The following ZNF492 variants were observed in gnomAD, a reference collection of about 807,000 sequenced individuals.
ZNF492 encodes zinc finger protein 492.
ZNF492 carries 3 observed loss-of-function variants against 6.4 expected under a neutral mutation model. The ratio of observed to expected loss-of-function variants is 0.47; its 90% CI spans 0.21 to 1.22. The LOEUF is 1.22. Among genes scored for constraint, ZNF492 ranks in the 50% most tolerant of loss-of-function variants. The pLI, the probability that ZNF492 is intolerant of heterozygous loss-of-function variation, is 0.22. For missense variants in ZNF492, 356 were observed against 612.5 expected, an observed-to-expected ratio of 0.58 and a Z score of 4.42; for synonymous variants, 112 against 205.3, an observed-to-expected ratio of 0.55 and a Z score of 3.89.
At position 22,665,151 on chromosome 19, in the gene ZNF492, A is replaced by G. The variant is rs1450713323; in HGVS notation, c.1482A>G (p.Arg494=). The G allele has an allele frequency of 6.2e-7, 1 of 1,611,276 alleles. No individual in the cohort carries two copies. The highest frequency in any genetic ancestry group is 8.5e-7 in the Non-Finnish European group (1 of 1,179,604). ...KAFNNSSILN[R]HKMIHTGEKL... ...TTAACAACTCCTCTATTCTTAACAG[A>G]CATAAGATGATTCATACTGGAGAGA... is the stretch of plus-strand genomic sequence containing the variant. Residue 494 remains arginine (R), a synonymous_variant, in exon 4 of 4, where the codon AGA becomes AGG. Coordinates refer to ENST00000456783, the MANE Select transcript of ZNF492 (RefSeq NM_020855.3).
chr19:22,641,000 TTTTC>T (rs145449944), intron 1 of ZNF492, among the ~76,000 whole-genome samples: 12,299 of 152,120 alleles, frequency 0.081, 1,605 homozygotes, highest in African/African-American at 0.28. Context: ...ATCTTTTCCT[TTTTC>T]TTCATTAATC....
intron 3 of ZNF492, among the ~76,000 whole-genome samples, chr19:22,663,514 G>C (rs548003793): frequency 6.6e-6 from 1 of 152,256 alleles, no homozygotes; most frequent in South Asian, 2.1e-4. Context: ...ATGTTATATA[G>C]GGAAGCAGGA....
intron 1 of ZNF492, among the ~76,000 whole-genome samples, chr19:22,649,172 C>A (rs745997746): frequency 7.2e-5 from 11 of 152,136 alleles, no homozygotes; most frequent in Non-Finnish European, 1.5e-4. Context: ...GATTTTATTT[C>A]TTTTTCTACT....
intron 3 of ZNF492, among the ~76,000 whole-genome samples, chr19:22,662,382 C>T (rs868152904): frequency 2.6e-5 from 4 of 152,092 alleles, no homozygotes; most frequent in Non-Finnish European, 2.9e-5. Flanking sequence ...TGAATAGTGC[C>T]GCAATAAATA....
intron 1 of ZNF492, among the ~76,000 whole-genome samples, chr19:22,651,103 G>T (rs531724392): frequency 1.3e-5 from 2 of 152,202 alleles, no homozygotes; most frequent in East Asian, 1.9e-4. Context: ...GCATGGTTTT[G>T]TCGGCTAAGT....
At chr19:22,638,645 G>A (rs1971791961) in intron 1 of ZNF492, among the ~76,000 whole-genome samples, 1 of 152,076 alleles carries the variant, frequency 6.6e-6, no homozygotes, top group African/African-American at 2.4e-5. Flanking sequence ...TTCAGGTAAT[G>A]TAATGACTTC....
Position 22,666,308 on chromosome 19 carries a change from A to T in ZNF492, c.*1043A>T, listed in dbSNP as rs1475725402. 1 of 151,294 alleles carries T rather than the reference A, an allele frequency of 6.6e-6. No individual in the cohort carries two copies. Among genetic ancestry groups the T allele is most frequent in the African/African-American group, 2.4e-5 (1 of 41,116 alleles). The allele number at this position is 151,294 out of a possible 1,614,324, so 9.4% of individuals were successfully genotyped here. The stretch of plus-strand genomic sequence containing the variant: ...AGGGTTCAAGTGATTCTCCTGCCTC[A>T]GCCTCCCAAGTGGCTGGGATTACAG... On this transcript the variant is annotated 3_prime_UTR_variant, in exon 4 of 4. Transcript: ENST00000456783.
In ZNF492 at chr19:22,665,267, A is replaced by G. The variant is rs763229857; in HGVS notation, c.*2A>G. 12 of 1,547,312 alleles carry G rather than the reference A, an allele frequency of 7.8e-6. No individual in the cohort carries two copies. In the Admixed American group the frequency reaches 2.5e-4, roughly 32 times the overall value. On this transcript the variant is annotated 3_prime_UTR_variant, in exon 4 of 4. Coordinates refer to ENST00000456783, the MANE Select transcript of ZNF492 (RefSeq NM_020855.3). The stretch of plus-strand genomic sequence containing the variant: ...AGAAATTGTGCTGGTGAGAAATAAT[A>G]GAAATATGAATGTGACAAAGCCTTT...
At chr19:22,639,959 T>C (rs1414754980) in intron 1 of ZNF492, among the ~76,000 whole-genome samples, 1 of 151,916 alleles carries the variant, frequency 6.6e-6, no homozygotes, top group Non-Finnish European at 1.5e-5. Context: ...TTCCAGGTTA[T>C]GTATATTCAG....
At chr19:22,656,374 A>T (rs1971996959) in intron 3 of ZNF492, among the ~76,000 whole-genome samples, 1 of 151,410 alleles carries the variant, frequency 6.6e-6, no homozygotes, top group East Asian at 1.9e-4. Flanking sequence ...GCTAGGGCAG[A>T]TTTCTGCACT....
chr19:22,656,845 G>A (rs142422244), intron 3 of ZNF492, among the ~76,000 whole-genome samples: 1 of 152,072 alleles, frequency 6.6e-6, no homozygotes, highest in African/African-American at 2.4e-5. Context: ...AGATCTCAAA[G>A]CTCTTTAAGG....
Position 22,667,310 on chromosome 19 carries a change from T to C in ZNF492, c.*2045T>C, listed in dbSNP as rs988076487. On this transcript the variant is annotated 3_prime_UTR_variant, in exon 4 of 4. Coordinates refer to ENST00000456783, the MANE Select transcript of ZNF492 (RefSeq NM_020855.3). ...AATGCACTAACATCTGTAGTACTAA[T>C]CTTTTTTCCAGTGGCTTTAAACTGC... The C allele has an allele frequency of 2.0e-5, 3 of 152,222 alleles. No individual in the cohort carries two copies. Among genetic ancestry groups the C allele is most frequent in the African/African-American group, 7.2e-5 (3 of 41,460 alleles). 9.4% of individuals were successfully genotyped at this position (152,222 alleles called of 1,614,324 possible).
intron 3 of ZNF492, among the ~76,000 whole-genome samples, chr19:22,658,233 A>G (rs1338840983): frequency 1.3e-5 from 2 of 151,958 alleles, no homozygotes; most frequent in South Asian, 4.1e-4. Context: ...ACATCCTGGA[A>G]GACATATGGA....
In ZNF492 at chr19:22,653,373, G is replaced by A. The variant is rs752117369; in HGVS notation, c.-27G>A. ...GGAGGAGTGGCAATGCCTGGACACC[G>A]CACAGCAGAATTTATATAGGAATGT... On this transcript the variant is annotated 5_prime_UTR_variant, in exon 2 of 4. Transcript: ENST00000456783. The A allele has an allele frequency of 2.2e-5, 35 of 1,613,696 alleles. No homozygotes were observed. Among genetic ancestry groups the A allele is most frequent in the East Asian group, 8.9e-5 (4 of 44,890 alleles).
At chr19:22,663,662 T>A (rs1363794090) in intron 3 of ZNF492, 138 bp from the exon 4 acceptor site, 5 of 797,640 alleles carry the variant, frequency 6.3e-6, no homozygotes, top group Non-Finnish European at 9.1e-6. Flanking sequence ...CTTTTATATG[T>A]CTGTGAAAAT....
chr19:22,649,794 C>G (rs956034967), intron 1 of ZNF492, among the ~76,000 whole-genome samples: 2 of 152,150 alleles, frequency 1.3e-5, no homozygotes, highest in African/African-American at 4.8e-5. Context: ...TCCGTCAGGT[C>G]ATTTATGTTC....
At chr19:22,644,098 G>A (rs1268147294) in intron 1 of ZNF492, among the ~76,000 whole-genome samples, 2 of 152,128 alleles carry the variant, frequency 1.3e-5, no homozygotes, top group African/African-American at 4.8e-5. Flanking sequence ...TGTGGGTGTG[G>A]TGGTAGCAGG....
rs1358335107 is a variant in ZNF492 at position 22,656,069 on chromosome 19, C to T, written c.130+2054C>T. On this transcript the variant is annotated intron_variant, in intron 3 of 3. Transcript: ENST00000456783. ...TGAACTCCTGACCTGGTGATCCACC[C>T]GCCTTGGCCTCCCAAAGTTCTGGGA... Among the ~76,000 whole-genome samples, 10 of 143,920 alleles carry T rather than the reference C, an allele frequency of 6.9e-5. No individual in the cohort carries two copies. In the Middle Eastern group the frequency reaches 0.011, roughly 153 times the overall value. 94.4% of individuals were successfully genotyped at this position (143,920 alleles called of 152,430 possible). A position where few individuals can be genotyped will look rare whatever the true frequency, so the allele number is the denominator to read the frequency against.
intron 3 of ZNF492, among the ~76,000 whole-genome samples, chr19:22,655,839 T>C (rs912682602): frequency 6.9e-6 from 1 of 143,988 alleles, no homozygotes; most frequent in Non-Finnish European, 1.5e-5. Flanking sequence ...TTTTTTTTTT[T>C]TTTGAGACAG....
Sources: gnomAD v4.1 joint callset for allele counts (sites outside exome capture counted in the v4.1 genomes callset) on GRCh38, gnomAD v4.1.1 for gene constraint, MANE v1.5 for transcripts, NCBI Gene and HGNC (gene_info 2026-07-23, HGNC 2026-07-21) for gene names.